SCN3A: variants seen among roughly 807,000 people sequenced by gnomAD.
SCN3A encodes the protein sodium voltage-gated channel alpha subunit 3.
A neutral mutation model predicts 187.6 loss-of-function variants in SCN3A; 60 were observed. The ratio of observed to expected loss-of-function variants is 0.32; its 90% CI spans 0.26 to 0.40. SCN3A has a LOEUF of 0.40. Among genes scored for constraint, SCN3A ranks in the 10% least tolerant of loss-of-function variants. The pLI is 1.00. For synonymous variants in SCN3A, 788 were observed against 829.2 expected, an observed-to-expected ratio of 0.95 and a Z score of 0.85; for missense variants, 1,601 against 2,428.2, an observed-to-expected ratio of 0.66 and a Z score of 7.16.
In SCN3A at chr2:165,089,326, T is replaced by C. The variant is rs1684971159; in HGVS notation, c.*824A>G. 1 of 152,646 alleles carries C rather than the reference T, an allele frequency of 6.6e-6. No individual in the cohort carries two copies. The highest frequency in any genetic ancestry group is 2.4e-5 in the African/African-American group (1 of 41,474). The allele number at this position is 152,646 out of a possible 1,614,324, so 9.5% of individuals were successfully genotyped here. A position where few individuals can be genotyped will look rare whatever the true frequency, so the allele number is the denominator to read the frequency against. On this transcript the variant is annotated 3_prime_UTR_variant, in exon 28 of 28. Transcript: ENST00000283254. ...ATACTGCAGCAGAAAGTGGAACAAC[T>C]ATTCTAAAGCAATACTTTAGATATA...
intron 2 of SCN3A, among the ~76,000 whole-genome samples, chr2:165,181,235 G>A (rs1195053780): frequency 2.0e-5 from 3 of 152,144 alleles, no homozygotes; most frequent in African/African-American, 7.2e-5. Flanking sequence ...CTGGAAAAGG[G>A]AGTGTTTTAA....
At chr2:165,094,940 A>C (rs555857389) in intron 25 of SCN3A, among the ~76,000 whole-genome samples, 1 of 152,318 alleles carries the variant, frequency 6.6e-6, no homozygotes, top group Admixed American at 6.5e-5. Flanking sequence ...TGTTGATATG[A>C]CAAAAAAATT....
rs1330030130 is a variant in SCN3A at position 165,137,904 on chromosome 2, C to T, written c.2366G>A (p.Ser789Asn). The change falls in exon 15 of 28, where the codon AGT becomes AAT. Residue 789 changes from serine to asparagine, a missense_variant. Coordinates refer to ENST00000283254, the MANE Select transcript of SCN3A (RefSeq NM_006922.4). Reference protein sequence around the residue: ...MEHYPMTEQFSSVLTVGNLVF... With the variant: ...MEHYPMTEQFNSVLTVGNLVF... ...CAGGTTTCCTACAGTCAACACACTA[C>T]TGAATTGCTCAGTCATGGGGTAGTG... 2.5e-6 allele frequency: 4 copies of T among 1,612,788 alleles called. No individual in the cohort carries two copies. Among genetic ancestry groups the T allele is most frequent in the Non-Finnish European group, 3.4e-6 (4 of 1,179,038 alleles).
chr2:165,098,040 T>G (rs916133747), intron 22 of SCN3A, among the ~76,000 whole-genome samples: 3 of 152,158 alleles, frequency 2.0e-5, no homozygotes, highest in Admixed American at 1.3e-4. Flanking sequence ...GGTCCCTTTT[T>G]CCCCCTGTTA....
Position 165,146,368 on chromosome 2 carries a change from T to TTA in SCN3A, c.1671+369_1671+370dup, listed in dbSNP as rs145037221. 5.6e-3 allele frequency among the ~76,000 whole-genome samples: 607 copies of TTA among 108,274 alleles called. 3 individuals carry two copies. Among genetic ancestry groups the TTA allele is most frequent in the African/African-American group, 0.015 (422 of 28,332 alleles). 71.0% of individuals were successfully genotyped at this position (108,274 alleles called of 152,430 possible). ...TCATTGAAAAGTCTGCTAGTGTAGG[T>TTA]TATATATATATATATGTGTGTGTGT... On this transcript the variant is annotated intron_variant, in intron 12 of 27. Coordinates refer to ENST00000283254, the MANE Select transcript of SCN3A (RefSeq NM_006922.4).
chr2:165,198,194 A>G (rs1692087064), intron 1 of SCN3A, among the ~76,000 whole-genome samples: 1 of 152,088 alleles, frequency 6.6e-6, no homozygotes, highest in African/African-American at 2.4e-5. Flanking sequence ...AAAAAAGAAA[A>G]AAAAAGAATC....
At chr2:165,151,544 A>T (rs1489682429) in intron 11 of SCN3A, among the ~76,000 whole-genome samples, 1 of 152,214 alleles carries the variant, frequency 6.6e-6, no homozygotes, top group Non-Finnish European at 1.5e-5. Context: ...ATGTTTTAAG[A>T]TATTGGAAAA....
chr2:165,129,369 A>T (rs1687179508), intron 17 of SCN3A, among the ~76,000 whole-genome samples: 2 of 152,236 alleles, frequency 1.3e-5, no homozygotes, highest in African/African-American at 2.4e-5. Flanking sequence ...TCCTATAGTA[A>T]TGCAAATTCA....
chr2:165,162,112 G>C (rs1689432817), intron 9 of SCN3A, among the ~76,000 whole-genome samples, 196 bp downstream of exon 9: 1 of 152,132 alleles, frequency 6.6e-6, no homozygotes, highest in Admixed American at 6.5e-5. Flanking sequence ...TCTTCACAAA[G>C]GGATAATTTT....
intron 11 of SCN3A, among the ~76,000 whole-genome samples, chr2:165,147,710 T>A (rs1899011): frequency 0.22 from 33,843 of 152,134 alleles, 3,757 homozygotes; most frequent in East Asian, 0.31. Flanking sequence ...TAACATAGCA[T>A]TACATAAATT....
intron 1 of SCN3A, among the ~76,000 whole-genome samples, chr2:165,187,902 C>T (rs924677381): frequency 6.6e-6 from 1 of 152,152 alleles, no homozygotes; most frequent in Non-Finnish European, 1.5e-5. Flanking sequence ...ATGTTAGTTC[C>T]CTCTACTTCA....
chr2:165,128,011 G>T lies in SCN3A; in HGVS notation c.3013C>A (p.Gln1005Lys), dbSNP rs768841039. Residue 1005 changes from glutamine to lysine, a missense_variant, in exon 18 of 28, where the codon CAG becomes AAG. Physicochemically the swap from Gln to Lys is moderately conservative, Grantham distance 53. Around this residue, in one of 11 missense-constraint regions of SCN3A, gnomAD observed 267 missense variants for 313.2 expected, o/e 0.85. Transcript: ENST00000283254. Reference sequence around the variant, plus strand: ...TTTTGCATTCTTCCTACTGCAATCTGCAGATTATTCATTTCATTGTCATCA... The same window carrying T: ...TTTTGCATTCTTCCTACTGCAATCTTCAGATTATTCATTTCATTGTCATCA... ...TDDDNEMNNL[Q>K]IAVGRMQKGI... 6.2e-7 allele frequency: 1 copy of T among 1,613,810 alleles called. No individual in the cohort carries two copies. Among genetic ancestry groups the T allele is most frequent in the Non-Finnish European group, 8.5e-7 (1 of 1,179,956 alleles).
chr2:165,093,258 A>G (rs1023824117), intron 26 of SCN3A: 3 of 152,138 alleles, frequency 2.0e-5, no homozygotes, highest in African/African-American at 7.2e-5. Context: ...TTTGGTTTAT[A>G]CCTTATTTCC....
chr2:165,128,347 A>G (rs1574160166), intron 17 of SCN3A, among the ~76,000 whole-genome samples: 1 of 152,282 alleles, frequency 6.6e-6, no homozygotes, highest in Middle Eastern at 3.4e-3. Context: ...ATAGGAAAGC[A>G]GAGCTTCTAA....
intron 7 of SCN3A, among the ~76,000 whole-genome samples, chr2:165,163,204 A>T (rs1253616666): frequency 6.8e-6 from 1 of 147,742 alleles, no homozygotes; most frequent in African/African-American, 2.6e-5. Context: ...GGAGAAAAGA[A>T]TTTTAAAATA....
chr2:165,108,087 G>A (rs1162047040), intron 21 of SCN3A, among the ~76,000 whole-genome samples: 5 of 152,176 alleles, frequency 3.3e-5, no homozygotes, highest in Non-Finnish European at 5.9e-5. Context: ...CACATGTGAA[G>A]TGCTTTTGGT....
intron 21 of SCN3A, among the ~76,000 whole-genome samples, chr2:165,107,820 C>CA (rs1399158337): frequency 6.6e-6 from 1 of 151,960 alleles, no homozygotes; most frequent in South Asian, 2.1e-4. Context: ...AATAATAATA[C>CA]AAAAAATCAA....
In SCN3A at chr2:165,087,871, G is replaced by T. The variant is rs898847042; in HGVS notation, c.*2279C>A. ...GAGTTAATTGAAATTGAAAGCTATT[G>T]TAGGTGGTTACTACTATTATTATCA... is the stretch of plus-strand genomic sequence containing the variant. On this transcript the variant is annotated 3_prime_UTR_variant, in exon 28 of 28. Coordinates refer to ENST00000283254, the MANE Select transcript of SCN3A (RefSeq NM_006922.4). The T allele has an allele frequency of 6.6e-6, 1 of 152,116 alleles. No homozygotes were observed. Among genetic ancestry groups the T allele is most frequent in the African/African-American group, 2.4e-5 (1 of 41,426 alleles). The allele number at this position is 152,116 out of a possible 1,614,324, so 9.4% of individuals were successfully genotyped here.
intron 1 of SCN3A, among the ~76,000 whole-genome samples, chr2:165,194,448 T>G (rs982810126): frequency 1.3e-5 from 2 of 152,140 alleles, no homozygotes; most frequent in Non-Finnish European, 2.9e-5. Flanking sequence ...TAAATCATGT[T>G]CCTGAGGTAG....
Sources: gnomAD v4.1 joint callset for allele counts (sites outside exome capture counted in the v4.1 genomes callset) on GRCh38, gnomAD v4.1.1 for gene constraint, gnomAD v4.1.1 regional missense constraint, MANE v1.5 for transcripts, NCBI Gene and HGNC (gene_info 2026-07-23, HGNC 2026-07-21) for gene names.